Variants in NCOA2 observed in about 807,000 individuals in gnomAD.
NCOA2 encodes nuclear receptor coactivator 2, also known as class E basic helix-loop-helix protein 75.
A neutral mutation model predicts 145.1 loss-of-function variants in NCOA2; 21 were observed. The ratio of observed to expected loss-of-function variants is 0.14; its 90% CI spans 0.10 to 0.21. NCOA2 has a LOEUF of 0.21. Ranked by LOEUF, NCOA2 falls within the 10% of genes least tolerant of loss-of-function variation. The pLI is 1.00. For missense variants in NCOA2, 1,472 were observed against 1,837.6 expected (o/e 0.80, Z 3.64); for synonymous variants, 619 against 637.5 (o/e 0.97, Z 0.44).
intron 12 of NCOA2, among the ~76,000 whole-genome samples, chr8:70,147,017 T>C (rs1283401342): frequency 1.3e-5 from 2 of 152,176 alleles, no homozygotes; most frequent in Admixed American, 6.5e-5. Flanking sequence ...TACCCAATTC[T>C]CAACTCTTTT....
Position 70,148,403 on chromosome 8 carries a change from C to T in NCOA2, c.2475G>A (p.Thr825=), listed in dbSNP as rs202019914. 6.2e-6 allele frequency: 10 copies of T among 1,613,798 alleles called. No individual in the cohort carries two copies. In the African/African-American group the frequency reaches 6.7e-5, roughly 11 times the overall value. ...NSQLPQLFPD[T]RPGAPAGSVD... ...CTGATCCAGCAGGGGCGCCTGGCCT[C>T]GTGTCTGGGAAAAGCTGTGGTAATT... Residue 825 remains threonine, a synonymous_variant, in exon 12 of 23, where the codon ACG becomes ACA. Coordinates refer to ENST00000452400, the MANE Select transcript of NCOA2 (RefSeq NM_006540.4).
chr8:70,306,748 G>A (rs1429667101), intron 1 of NCOA2, among the ~76,000 whole-genome samples: 1 of 152,094 alleles, frequency 6.6e-6, no homozygotes, highest in Non-Finnish European at 1.5e-5. Flanking sequence ...GTGTGGTGGC[G>A]CGTGCCTGCA....
chr8:70,183,205 T>C (rs551328561), intron 4 of NCOA2, among the ~76,000 whole-genome samples: 21 of 152,024 alleles, frequency 1.4e-4, no homozygotes, highest in African/African-American at 4.6e-4. Context: ...TGAGATTAGA[T>C]GAAAGAAGGA....
intron 2 of NCOA2, among the ~76,000 whole-genome samples, chr8:70,259,039 G>A (rs980088075): frequency 6.6e-6 from 1 of 152,118 alleles, no homozygotes; most frequent in Non-Finnish European, 1.5e-5. Flanking sequence ...TCTTTGACTT[G>A]GCCTGGCATT....
At chr8:70,267,340 C>T (rs537295175) in intron 2 of NCOA2, among the ~76,000 whole-genome samples, 1 of 151,694 alleles carries the variant, frequency 6.6e-6, no homozygotes, top group Non-Finnish European at 1.5e-5. Context: ...TCAACAGATG[C>T]CAATATCCTC....
the NCOA2 span, among the ~76,000 whole-genome samples, chr8:70,433,719 G>T: frequency 6.6e-6 from 1 of 152,204 alleles, no homozygotes; most frequent in Non-Finnish European, 1.5e-5. Flanking sequence ...TGTTAAGGAA[G>T]TACAGTTGTC....
At chr8:70,436,135 T>C in the NCOA2 span, among the ~76,000 whole-genome samples, 7 of 152,110 alleles carry the variant, frequency 4.6e-5, no homozygotes, top group East Asian at 5.8e-4. Flanking sequence ...AAAAAACAAA[T>C]AATAAAACTA....
intron 1 of NCOA2, among the ~76,000 whole-genome samples, chr8:70,329,907 A>T (rs1806933434): frequency 6.6e-6 from 1 of 152,204 alleles, no homozygotes; most frequent in Non-Finnish European, 1.5e-5. Context: ...TATAGGGACC[A>T]AGGTCACCAC....
chr8:70,379,414 A>C (rs1389910586), intron 1 of NCOA2, among the ~76,000 whole-genome samples: 1 of 152,198 alleles, frequency 6.6e-6, no homozygotes, highest in Non-Finnish European at 1.5e-5. Context: ...ATTTAATATC[A>C]TGTGGTTTCA....
At chr8:70,388,135 A>G (rs763369295) in intron 1 of NCOA2, among the ~76,000 whole-genome samples, 5 of 150,976 alleles carry the variant, frequency 3.3e-5, no homozygotes, top group Admixed American at 6.6e-5. Context: ...TAGTAAATAG[A>G]ACTCCCTGAT....
At chr8:70,429,370 G>C in the NCOA2 span, among the ~76,000 whole-genome samples, 7 of 152,206 alleles carry the variant, frequency 4.6e-5, no homozygotes, top group South Asian at 1.4e-3. Context: ...ATTAAGTGGA[G>C]CTACTTAGGT....
intron 1 of NCOA2, among the ~76,000 whole-genome samples, chr8:70,400,527 T>C (rs1012132338): frequency 1.3e-5 from 2 of 152,192 alleles, no homozygotes; most frequent in African/African-American, 4.8e-5. Context: ...GAAGGGCATA[T>C]GTCAGAGTGC....
chr8:70,450,937 C>G, the NCOA2 span, among the ~76,000 whole-genome samples: 1 of 150,906 alleles, frequency 6.6e-6, no homozygotes, highest in South Asian at 2.1e-4. Flanking sequence ...TTAGAACTGG[C>G]TGGGCACAGT....
At chr8:70,132,080 A>G in intron 15 of NCOA2, 78 bp from the exon 16 acceptor site, 4 of 1,428,582 alleles carry the variant, frequency 2.8e-6, no homozygotes, top group Non-Finnish European at 3.8e-6. Flanking sequence ...CTCAAAGGTG[A>G]AAGTATCAAT....
the NCOA2 span, among the ~76,000 whole-genome samples, chr8:70,424,814 A>G: frequency 2.6e-5 from 4 of 152,252 alleles, no homozygotes; most frequent in Non-Finnish European, 4.4e-5. Flanking sequence ...TTCATTGCTT[A>G]CAAAGTGTTA....
the NCOA2 span, among the ~76,000 whole-genome samples, chr8:70,434,959 G>GGA: frequency 6.6e-6 from 1 of 152,146 alleles, no homozygotes; most frequent in South Asian, 2.1e-4. Context: ...GCACTCCTAA[G>GGA]GAGATATTTT....
At chr8:70,161,912 T>C (rs916003163) in intron 9 of NCOA2, among the ~76,000 whole-genome samples, 4 of 152,130 alleles carry the variant, frequency 2.6e-5, no homozygotes, top group African/African-American at 9.7e-5. Flanking sequence ...CCTACCTCTT[T>C]AACAGAAAAC....
chr8:70,296,360 T>C (rs376453861), intron 2 of NCOA2, among the ~76,000 whole-genome samples: 9 of 152,312 alleles, frequency 5.9e-5, no homozygotes, highest in African/African-American at 2.2e-4. Flanking sequence ...ACTTTTCTTT[T>C]CTCCTCTTTT....
chr8:70,142,940 G>GT (rs1245343063), intron 13 of NCOA2, among the ~76,000 whole-genome samples: 2 of 150,120 alleles, frequency 1.3e-5, no homozygotes, highest in Non-Finnish European at 3.0e-5. Context: ...CTCAGTCTGT[G>GT]TTTTGTTTTT....
Sources: allele counts gnomAD v4.1 joint callset (sites outside exome capture counted in the v4.1 genomes callset), GRCh38; gene constraint gnomAD v4.1.1; transcripts MANE v1.5; gene names NCBI Gene and HGNC (gene_info 2026-07-23, HGNC 2026-07-21).